The following DNM3 variants were observed in gnomAD, a reference collection of about 807,000 sequenced individuals.
DNM3 encodes dynamin 3.
Under a neutral mutation model 101.6 loss-of-function variants are expected in DNM3, and 47 were observed. That is an observed-to-expected ratio of 0.46 (90% confidence interval 0.37 to 0.59). The LOEUF (loss-of-function observed/expected upper bound fraction) is 0.59, where lower values mean the gene tolerates loss of function less well. Ranked by LOEUF, DNM3 falls within the 20% of genes least tolerant of loss-of-function variation. DNM3 has a pLI of 0.00. For missense variants in DNM3, 849 were observed against 1,085.7 expected, an observed-to-expected ratio of 0.78 and a Z score of 3.06; for synonymous variants, 385 against 387.9, an observed-to-expected ratio of 0.99 and a Z score of 0.09.
At chr1:172,134,509 C>T (rs2057113953) in intron 14 of DNM3, among the ~76,000 whole-genome samples, 1 of 152,096 alleles carries the variant, frequency 6.6e-6, no homozygotes. Context: ...AGTAACTTAG[C>T]CAGGTGCTAA....
chr1:172,363,102 G>A (rs182405643), intron 17 of DNM3, among the ~76,000 whole-genome samples: 1 of 151,792 alleles, frequency 6.6e-6, no homozygotes, highest in Admixed American at 6.6e-5. Flanking sequence ...CATTCTGAAA[G>A]CATTTACTGA....
intron 16 of DNM3, among the ~76,000 whole-genome samples, chr1:172,311,943 A>T (rs888309907): frequency 6.6e-6 from 1 of 152,234 alleles, no homozygotes; most frequent in Non-Finnish European, 1.5e-5. Flanking sequence ...TTCAGTTTTC[A>T]TCATAAACAA....
At chr1:172,195,125 T>C (rs761039521) in intron 14 of DNM3, among the ~76,000 whole-genome samples, 72 of 152,090 alleles carry the variant, frequency 4.7e-4, no homozygotes, top group Admixed American at 2.0e-3. Context: ...TTATGAAGCT[T>C]AGTTTGGCTG....
rs778094295 is a variant in DNM3 at position 172,410,532 on chromosome 1, C to T, written c.*2691C>T. 107 of 980,970 alleles carry T rather than the reference C, an allele frequency of 1.1e-4. 1 individual carries two copies. Among genetic ancestry groups the T allele is most frequent in the Non-Finnish European group, 1.2e-4 (102 of 825,998 alleles). The allele number at this position is 980,970 out of a possible 1,614,324, so 60.8% of individuals were successfully genotyped here. A position where few individuals can be genotyped will look rare whatever the true frequency, so the allele number is the denominator to read the frequency against. ...ATTGTCACATGCTAAATATTGCATGCATATTGACTAATTGGAATAACCATT... is the reference window on the plus strand; with the variant it reads ...ATTGTCACATGCTAAATATTGCATGTATATTGACTAATTGGAATAACCATT... On this transcript the variant is annotated 3_prime_UTR_variant, in exon 21 of 21. Transcript: ENST00000627582.
At chr1:172,013,389 A>T (rs1324513013) in intron 4 of DNM3, among the ~76,000 whole-genome samples, 1 of 152,140 alleles carries the variant, frequency 6.6e-6, no homozygotes, top group Non-Finnish European at 1.5e-5. Flanking sequence ...TCCTAAAACA[A>T]TGAATAAGCT....
chr1:172,147,923 T>A (rs2057976802), intron 14 of DNM3, among the ~76,000 whole-genome samples: 1 of 152,132 alleles, frequency 6.6e-6, no homozygotes, highest in African/African-American at 2.4e-5. Flanking sequence ...CTTTACAGAT[T>A]ACAAAATCCA....
chr1:171,889,314 G>T (rs1558218105), intron 1 of DNM3, among the ~76,000 whole-genome samples: 1 of 151,942 alleles, frequency 6.6e-6, no homozygotes, highest in Non-Finnish European at 1.5e-5. Context: ...GTATGGACAA[G>T]GTGATTTATT....
intron 14 of DNM3, among the ~76,000 whole-genome samples, chr1:172,175,562 T>C (rs1329604943): frequency 2.6e-5 from 4 of 151,700 alleles, no homozygotes; most frequent in Non-Finnish European, 5.9e-5. Flanking sequence ...CCCATATTCT[T>C]TGAAGCTAAG....
intron 14 of DNM3, among the ~76,000 whole-genome samples, chr1:172,145,408 CTCTT>C (rs1359066871): frequency 1.3e-5 from 2 of 149,600 alleles, no homozygotes; most frequent in African/African-American, 4.9e-5. Flanking sequence ...CGCTCTCTCT[CTCTT>C]TCTCTCCTTC....
chr1:172,325,457 A>T (rs41481754), intron 17 of DNM3, among the ~76,000 whole-genome samples: 1 of 151,768 alleles, frequency 6.6e-6, no homozygotes, highest in African/African-American at 2.4e-5. Context: ...GTTATGAATA[A>T]GTGATAGTTT....
intron 15 of DNM3, among the ~76,000 whole-genome samples, chr1:172,301,635 G>A (rs1284034559): frequency 1.3e-5 from 2 of 152,078 alleles, no homozygotes; most frequent in African/African-American, 2.4e-5. Flanking sequence ...ATTTATGATA[G>A]CAAAACAAAA....
At chr1:171,939,029 C>G (rs954522968) in intron 2 of DNM3, among the ~76,000 whole-genome samples, 3 of 151,934 alleles carry the variant, frequency 2.0e-5, no homozygotes, top group Non-Finnish European at 4.4e-5. Context: ...TTTTTCCTTA[C>G]TGACAACACC....
At chr1:172,316,393 A>C (rs1208000843) in intron 16 of DNM3, among the ~76,000 whole-genome samples, 1 of 152,198 alleles carries the variant, frequency 6.6e-6, no homozygotes, top group East Asian at 1.9e-4. Context: ...TAACAATATT[A>C]ACTTTAAATG....
chr1:172,223,410 A>G (rs951973044), intron 14 of DNM3, among the ~76,000 whole-genome samples: 1 of 151,892 alleles, frequency 6.6e-6, no homozygotes, highest in African/African-American at 2.4e-5. Context: ...AATCCCATAT[A>G]TCACTATAAA....
At chr1:172,278,625 C>T (rs956256296) in intron 15 of DNM3, among the ~76,000 whole-genome samples, 91 of 152,076 alleles carry the variant, frequency 6.0e-4, no homozygotes, top group African/African-American at 2.1e-3. Flanking sequence ...GTGTGTGATT[C>T]ACTAGCCCTT....
chr1:172,236,640 G>C (rs899580262), intron 14 of DNM3, among the ~76,000 whole-genome samples: 1 of 151,910 alleles, frequency 6.6e-6, no homozygotes, highest in African/African-American at 2.4e-5. Flanking sequence ...GAAGAAGGGG[G>C]TAGAGAAGAG....
intron 15 of DNM3, among the ~76,000 whole-genome samples, chr1:172,304,376 G>C (rs193262354): frequency 3.4e-4 from 51 of 152,004 alleles, no homozygotes; most frequent in African/African-American, 1.1e-3. Context: ...GGAGCACCCA[G>C]ATTCATAAAG....
intron 15 of DNM3, among the ~76,000 whole-genome samples, chr1:172,264,642 C>T (rs1032661877): frequency 2.0e-5 from 3 of 152,184 alleles, no homozygotes; most frequent in Admixed American, 6.6e-5. Flanking sequence ...ATTCAGCAGA[C>T]CTATATGAGA....
In DNM3 at chr1:172,038,461, A is replaced by C. The variant is rs369046433; in HGVS notation, c.992A>C (p.Gln331Pro). 1 of 1,612,452 alleles carries C rather than the reference A, an allele frequency of 6.2e-7. No homozygotes were observed. Among genetic ancestry groups the C allele is most frequent in the Non-Finnish European group, 8.5e-7 (1 of 1,179,160 alleles). The change falls in exon 7 of 21, where the codon CAG (glutamine) becomes CCG (proline). Residue 331 changes from glutamine to proline, a missense_variant and splice_region_variant. Transcript: ENST00000627582. ...ACAAGGAAGACCAAAGCATTGCTGC[A>C]GTAGGTCACCTTTCCCTTCCTTGGC... ...DPTRKTKALL[Q>P]MVQQFAVDFE... is the part of the protein sequence containing the mutation.
Sources: allele counts gnomAD v4.1 joint callset (sites outside exome capture counted in the v4.1 genomes callset), GRCh38; gene constraint gnomAD v4.1.1; transcripts MANE v1.5; gene names NCBI Gene and HGNC (gene_info 2026-07-23, HGNC 2026-07-21).